The following SCAMP1 variants were observed in gnomAD, a reference collection of about 807,000 sequenced individuals.
SCAMP1 encodes the protein secretory carrier membrane protein 1.
A neutral mutation model predicts 41.8 loss-of-function variants in SCAMP1; 15 were observed. That is an observed-to-expected ratio of 0.36 (90% CI 0.24 to 0.55). SCAMP1 has a LOEUF of 0.55. SCAMP1 is among the 20% of genes least tolerant of loss of function. SCAMP1 has a pLI of 0.86. For missense variants in SCAMP1, 341 were observed against 412.6 expected, an observed-to-expected ratio of 0.83 and a Z score of 1.50; for synonymous variants, 135 against 136.8, an observed-to-expected ratio of 0.99 and a Z score of 0.09.
At chr5:78,468,344 T>C (rs1435191562) in intron 8 of SCAMP1, among the ~76,000 whole-genome samples, 1 of 152,194 alleles carries the variant, frequency 6.6e-6, no homozygotes, top group Admixed American at 6.6e-5. Flanking sequence ...TTACAAAAGC[T>C]CCTCTTTCTA....
chr5:78,380,200 A>G (rs757111202), intron 1 of SCAMP1, among the ~76,000 whole-genome samples: 1 of 152,184 alleles, frequency 6.6e-6, no homozygotes, highest in Non-Finnish European at 1.5e-5. Flanking sequence ...TGGTTTATTC[A>G]GTCATCTTCT....
intron 8 of SCAMP1, among the ~76,000 whole-genome samples, chr5:78,473,417 C>T (rs1226939747): frequency 2.6e-5 from 4 of 152,204 alleles, no homozygotes; most frequent in Non-Finnish European, 1.5e-5. Context: ...TCCCTTTCCT[C>T]TCCCAGTCAT....
chr5:78,374,006 C>T (rs1478251491), intron 1 of SCAMP1, among the ~76,000 whole-genome samples: 1 of 152,068 alleles, frequency 6.6e-6, no homozygotes, highest in Non-Finnish European at 1.5e-5. Context: ...ACTCAATTGT[C>T]TCCAAGAGAT....
rs1199471895 is a variant in SCAMP1 at position 78,480,705 on chromosome 5, C to T, written c.*5037C>T. The stretch of plus-strand genomic sequence containing the variant: ...ACAATTAAAAATTCAGAAAGTGATA[C>T]ATGAGAAAATAAAAATAAATCCTTA... On this transcript the variant is annotated 3_prime_UTR_variant, in exon 9 of 9. Coordinates refer to ENST00000621999, the MANE Select transcript of SCAMP1 (RefSeq NM_004866.6). Among the ~76,000 whole-genome samples the T allele has an allele frequency of 3.3e-5, 5 of 152,110 alleles. No homozygotes were observed. In the East Asian group the frequency reaches 7.7e-4, roughly 23 times the overall value.
At chr5:78,411,039 CT>C (rs1377918426) in intron 2 of SCAMP1, among the ~76,000 whole-genome samples, 2 of 152,048 alleles carry the variant, frequency 1.3e-5, no homozygotes, top group Non-Finnish European at 2.9e-5. Flanking sequence ...GGTTATTAGA[CT>C]TTTGTCAGAT....
intron 8 of SCAMP1, among the ~76,000 whole-genome samples, chr5:78,462,656 G>T (rs1753646640): frequency 6.6e-6 from 1 of 152,050 alleles, no homozygotes; most frequent in South Asian, 2.1e-4. Context: ...TTAGTTATCA[G>T]GTTTAGGAGT....
rs111290193 is a variant in SCAMP1 at position 78,375,511 on chromosome 5, C to G, written c.58-13326C>G. Among the ~76,000 whole-genome samples the G allele has an allele frequency of 2.9e-3, 447 of 152,266 alleles. 3 individuals are homozygous for G. Among genetic ancestry groups the G allele is most frequent in the Middle Eastern group, 6.8e-3 (2 of 294 alleles). ...GCTAACCTAGATGAATTTTCTTTCT[C>G]TCTTTGAATCTGTAGCCTTCAATTT... is the stretch of plus-strand genomic sequence containing the variant. On this transcript the variant is annotated intron_variant, in intron 1 of 8. Transcript: ENST00000621999.
chr5:78,412,686 CAT>C (rs771431973), intron 2 of SCAMP1, among the ~76,000 whole-genome samples: 1 of 152,104 alleles, frequency 6.6e-6, no homozygotes, highest in Non-Finnish European at 1.5e-5. Flanking sequence ...CCTCTTTTCA[CAT>C]GTTTATTGAC....
intron 8 of SCAMP1, among the ~76,000 whole-genome samples, chr5:78,470,070 C>G (rs1001030043): frequency 6.6e-6 from 1 of 151,816 alleles, no homozygotes; most frequent in African/African-American, 2.4e-5. Flanking sequence ...CCAGCCTGGG[C>G]TACTGAGTGA....
At chr5:78,463,328 G>A (rs1013092594) in intron 8 of SCAMP1, among the ~76,000 whole-genome samples, 1 of 152,106 alleles carries the variant, frequency 6.6e-6, no homozygotes, top group African/African-American at 2.4e-5. Context: ...TCTTCATCCA[G>A]TTCATAAATT....
chr5:78,372,300 G>A (rs1200833321), intron 1 of SCAMP1, among the ~76,000 whole-genome samples: 2 of 152,204 alleles, frequency 1.3e-5, no homozygotes, highest in African/African-American at 4.8e-5. Flanking sequence ...GTCATGGCCA[G>A]GAGTTGGTAA....
At chr5:78,422,658 C>T (rs1301935418) in intron 6 of SCAMP1, among the ~76,000 whole-genome samples, 1 of 152,104 alleles carries the variant, frequency 6.6e-6, no homozygotes. Context: ...TTCTTACACT[C>T]TTTAAGTACC....
chr5:78,442,147 G>A (rs1041499903), intron 6 of SCAMP1, among the ~76,000 whole-genome samples: 1 of 152,062 alleles, frequency 6.6e-6, no homozygotes, highest in Non-Finnish European at 1.5e-5. Context: ...AAGGAAAAAA[G>A]CATGATAAAT....
chr5:78,444,353 G>A (rs550131215), intron 6 of SCAMP1, among the ~76,000 whole-genome samples: 1 of 152,306 alleles, frequency 6.6e-6, no homozygotes, highest in South Asian at 2.1e-4. Context: ...AGGGGAAGGA[G>A]GAGCAAAGGT....
chr5:78,452,873 C>T (rs1376664388), intron 7 of SCAMP1, among the ~76,000 whole-genome samples: 147 of 149,372 alleles, frequency 9.8e-4, no homozygotes, highest in African/African-American at 3.4e-3. Flanking sequence ...TTTTAATGAT[C>T]GCCATTCTAA....
chr5:78,363,201 T>TTCTA (rs1331690374), intron 1 of SCAMP1, among the ~76,000 whole-genome samples: 1 of 146,804 alleles, frequency 6.8e-6, no homozygotes, highest in African/African-American at 2.5e-5. Flanking sequence ...CAGATCGTTT[T>TTCTA]TCTTTCTTTC....
chr5:78,388,615 A>G (rs753922039), intron 1 of SCAMP1, among the ~76,000 whole-genome samples: 2 of 152,192 alleles, frequency 1.3e-5, no homozygotes, highest in African/African-American at 4.8e-5. Context: ...GCTGATTTGA[A>G]TCTAACTCAG....
chr5:78,438,083 A>T (rs953846696), intron 6 of SCAMP1, among the ~76,000 whole-genome samples: 10 of 151,734 alleles, frequency 6.6e-5, no homozygotes, highest in African/African-American at 2.4e-4. Flanking sequence ...TTTTTATTGC[A>T]TCTATTTGAT....
At chr5:78,421,988 T>G (rs1259875697) in intron 6 of SCAMP1, 28 bp downstream of exon 6, 1 of 1,566,584 alleles carries the variant, frequency 6.4e-7, no homozygotes, top group African/African-American at 1.4e-5. Flanking sequence ...TAAAATACAC[T>G]CTTTAAAACC....
Sources: gnomAD v4.1 joint callset for allele counts (sites outside exome capture counted in the v4.1 genomes callset) on GRCh38, gnomAD v4.1.1 for gene constraint, MANE v1.5 for transcripts, NCBI Gene and HGNC (gene_info 2026-07-23, HGNC 2026-07-21) for gene names.